The following MVB12B variants were observed in gnomAD, a reference collection of about 807,000 sequenced individuals.
MVB12B encodes the protein ESCRT-I complex subunit MVB12B.
Under a neutral mutation model 41.6 loss-of-function variants are expected in MVB12B, and 16 were observed. The ratio of observed to expected loss-of-function variants is 0.38; its 90% CI spans 0.26 to 0.58. The LOEUF (loss-of-function observed/expected upper bound fraction) is 0.58. MVB12B is among the 20% of genes least tolerant of loss of function. The pLI, the probability that MVB12B is intolerant of heterozygous loss-of-function variation, is 0.62. For missense variants in MVB12B, 274 were observed against 380.2 expected (o/e 0.72, Z 2.32); for synonymous variants, 133 against 139.7 (o/e 0.95, Z 0.34).
At position 126,397,170 on chromosome 9, in the gene MVB12B, T is replaced by A. The variant is rs7035808; in HGVS notation, c.662+1473T>A. ...ACAGGAGCAGTTGCCCTGAAGTTGT[T>A]ACAGCTGCTCCCTGCTGACATCATG... On this transcript the variant is annotated intron_variant, in intron 6 of 9. Coordinates refer to ENST00000361171, the MANE Select transcript of MVB12B (RefSeq NM_033446.3). The A allele has an allele frequency of 4.6e-4, 449 of 985,516 alleles. 2 individuals are homozygous for A. In the African/African-American group the frequency reaches 7.4e-3, roughly 16 times the overall value. 61.0% of individuals were successfully genotyped at this position (985,516 alleles called of 1,614,324 possible).
At position 126,470,347 on chromosome 9, in the gene MVB12B, C is replaced by G. The variant is rs1833285607; in HGVS notation, c.758-11022C>G. On this transcript the variant is annotated intron_variant, in intron 7 of 9. Transcript: ENST00000361171. Reference sequence around the variant, plus strand: ...CGACTTGGAAGCAAGATCCAAGCTTCTGAGGCTCAGTGAGAATGTTCTTGT... The same window carrying G: ...CGACTTGGAAGCAAGATCCAAGCTTGTGAGGCTCAGTGAGAATGTTCTTGT... Among the ~76,000 whole-genome samples the G allele has an allele frequency of 2.6e-5, 4 of 152,198 alleles. No individual in the cohort carries two copies. In the South Asian group the frequency reaches 8.3e-4, roughly 31 times the overall value.
chr9:126,378,156 G>A (rs1830533144), intron 2 of MVB12B, among the ~76,000 whole-genome samples: 1 of 152,206 alleles, frequency 6.6e-6, no homozygotes, highest in Non-Finnish European at 1.5e-5. Context: ...CTGATGCTGG[G>A]ACCTGAGGCT....
At chr9:126,399,891 A>G (rs1450846198) in intron 6 of MVB12B, among the ~76,000 whole-genome samples, 2 of 152,220 alleles carry the variant, frequency 1.3e-5, no homozygotes, top group Non-Finnish European at 2.9e-5. Context: ...CTACAGCCAG[A>G]ACAACCTGCT....
At chr9:126,491,641 AAGTT>A (rs1226028035) in intron 9 of MVB12B, among the ~76,000 whole-genome samples, 2 of 152,252 alleles carry the variant, frequency 1.3e-5, no homozygotes, top group Admixed American at 6.5e-5. Context: ...CAGATATTAA[AAGTT>A]AGATAAATAA....
chr9:126,458,153 T>C (rs1833022276), intron 7 of MVB12B, among the ~76,000 whole-genome samples: 1 of 152,162 alleles, frequency 6.6e-6, no homozygotes, highest in Admixed American at 6.5e-5. Context: ...TAAATGATTA[T>C]GTAACAGTCA....
intron 2 of MVB12B, among the ~76,000 whole-genome samples, chr9:126,378,126 C>T (rs1564297956): frequency 6.6e-6 from 1 of 152,202 alleles, no homozygotes; most frequent in South Asian, 2.1e-4. Flanking sequence ...CCACCCCACA[C>T]CCCACCTTAC....
At chr9:126,366,560 A>G (rs944776258) in intron 2 of MVB12B, among the ~76,000 whole-genome samples, 1 of 152,166 alleles carries the variant, frequency 6.6e-6, no homozygotes, top group African/African-American at 2.4e-5. Context: ...CGTGCTTATT[A>G]TTGCATCATA....
intron 3 of MVB12B, among the ~76,000 whole-genome samples, chr9:126,383,035 G>A (rs1830678417): frequency 1.3e-5 from 2 of 152,152 alleles, no homozygotes; most frequent in South Asian, 4.1e-4. Flanking sequence ...ATTGTTTTTG[G>A]AAAAAGAATG....
chr9:126,327,211 T>C (rs972554159), intron 1 of MVB12B: 1 of 981,140 alleles, frequency 1.0e-6, no homozygotes, highest in South Asian at 4.7e-5. Flanking sequence ...GCGCCGCGGC[T>C]GCCGGTGCCC....
At position 126,340,396 on chromosome 9, in the gene MVB12B, A is replaced by T. The variant is rs1199934061; in HGVS notation, c.82-112A>T. Reference sequence around the variant, plus strand: ...CAGGACTCATTCAACCAGTACAGGTATGTGAAACTCAGGGTATTTGCCCCA... The same window carrying T: ...CAGGACTCATTCAACCAGTACAGGTTTGTGAAACTCAGGGTATTTGCCCCA... On this transcript the variant is annotated intron_variant, in intron 1 of 9. Transcript: ENST00000361171. The surrounding 1 kb of genome is among the most constrained non-coding windows in gnomAD (Gnocchi z 4.0). The T allele has an allele frequency of 1.7e-6, 2 of 1,197,550 alleles. No individual in the cohort carries two copies. The highest frequency in any genetic ancestry group is 1.2e-6 in the Non-Finnish European group (1 of 830,058). 74.2% of individuals were successfully genotyped at this position (1,197,550 alleles called of 1,614,324 possible).
chr9:126,371,394 G>GC (rs556528662), intron 2 of MVB12B, among the ~76,000 whole-genome samples: 1 of 152,228 alleles, frequency 6.6e-6, no homozygotes, highest in African/African-American at 2.4e-5. Context: ...TGTCTCGTGG[G>GC]CCCCCCACGG....
At chr9:126,400,720 C>T (rs572318424) in intron 6 of MVB12B, among the ~76,000 whole-genome samples, 2 of 152,282 alleles carry the variant, frequency 1.3e-5, no homozygotes, top group African/African-American at 4.8e-5. Context: ...TCACCAGTGC[C>T]GAGGTCAGAG....
intron 2 of MVB12B, among the ~76,000 whole-genome samples, chr9:126,347,538 C>T (rs1377330834): frequency 2.0e-5 from 3 of 152,122 alleles, no homozygotes; most frequent in African/African-American, 4.8e-5. Context: ...CTATGGGGGT[C>T]CTAGGAGAGG....
At chr9:126,438,099 T>C (rs1588172644) in intron 7 of MVB12B, among the ~76,000 whole-genome samples, 1 of 152,250 alleles carries the variant, frequency 6.6e-6, no homozygotes, top group Non-Finnish European at 1.5e-5. Flanking sequence ...AATGCCTAAT[T>C]CATACAGTTA....
At position 126,333,129 on chromosome 9, in the gene MVB12B, C is replaced by A. The variant is rs1829173876; in HGVS notation, c.81+6119C>A. ...TGAGACAGACTCTCACTCTGTCACC[C>A]AGGCTAGAGTGCAGTGGTGCAATCT... On this transcript the variant is annotated intron_variant, in intron 1 of 9. Transcript: ENST00000361171. The surrounding 1 kb of genome is among the most constrained non-coding windows in gnomAD (Gnocchi z 4.7). 6.6e-6 allele frequency among the ~76,000 whole-genome samples: 1 copy of A among 152,202 alleles called. No homozygotes were observed. The highest frequency in any genetic ancestry group is 2.4e-5 in the African/African-American group (1 of 41,450).
chr9:126,499,608 G>A (rs561179978), intron 9 of MVB12B, among the ~76,000 whole-genome samples: 1 of 152,306 alleles, frequency 6.6e-6, no homozygotes, highest in Non-Finnish European at 1.5e-5. Flanking sequence ...GGTAAACACG[G>A]CGGGAGGAGC....
intron 2 of MVB12B, among the ~76,000 whole-genome samples, chr9:126,379,505 TC>T (rs779384426): frequency 2.6e-5 from 4 of 152,222 alleles, no homozygotes; most frequent in Non-Finnish European, 4.4e-5. Flanking sequence ...TGACCCCCAT[TC>T]GATCGTGTTT....
At position 126,503,148 on chromosome 9, in the gene MVB12B, T is replaced by G. The variant is rs749453545; in HGVS notation, c.874-29T>G. The stretch of plus-strand genomic sequence containing the variant: ...TCCCTAGTGTCCCATGGACTGACTG[T>G]GTCTCTCTGTCCCCACCCGCCCCTG... On this transcript the variant is annotated intron_variant, in intron 9 of 9. Coordinates refer to ENST00000361171, the MANE Select transcript of MVB12B (RefSeq NM_033446.3). 3.3e-6 allele frequency: 5 copies of G among 1,535,526 alleles called. No homozygotes were observed. In the South Asian group the frequency reaches 6.0e-5, roughly 18 times the overall value.
At chr9:126,334,103 C>A (rs906165545) in intron 1 of MVB12B, among the ~76,000 whole-genome samples, 14 of 152,140 alleles carry the variant, frequency 9.2e-5, no homozygotes, top group African/African-American at 3.4e-4. Flanking sequence ...TGGATAACTC[C>A]CACTCCAGAA....
Sources: gnomAD v4.1 joint callset for allele counts (sites outside exome capture counted in the v4.1 genomes callset) on GRCh38, gnomAD v4.1.1 for gene constraint, Gnocchi (gnomAD v3.1) non-coding constraint, MANE v1.5 for transcripts, NCBI Gene and HGNC (gene_info 2026-07-23, HGNC 2026-07-21) for gene names.